The following RBM26 variants were observed in gnomAD, a reference collection of about 807,000 sequenced individuals.
RBM26 encodes the protein RNA-binding protein 26.
RBM26 carries 30 observed loss-of-function variants against 123.6 expected under a neutral mutation model. The ratio of observed to expected loss-of-function variants is 0.24; its 90% confidence interval spans 0.18 to 0.33. RBM26 has a LOEUF of 0.33. Among genes scored for constraint, RBM26 ranks in the 10% least tolerant of loss-of-function variants. The pLI, the probability that RBM26 is intolerant of heterozygous loss-of-function variation, is 1.00. For synonymous variants in RBM26, 400 were observed against 404.4 expected (o/e 0.99, Z 0.13); for missense variants, 947 against 1,203.6 (o/e 0.79, Z 3.15).
At chr13:79,354,322 G>T in intron 13 of RBM26, 117 bp downstream of exon 13, 4 of 840,782 alleles carry the variant, frequency 4.8e-6, no homozygotes, top group Non-Finnish European at 3.3e-6. Flanking sequence ...GTTCAAATAT[G>T]TAAAGACTAT....
At chr13:79,373,437 ATTATATAT>A (rs2076267061) in intron 3 of RBM26, among the ~76,000 whole-genome samples, 1 of 17,050 alleles carries the variant, frequency 5.9e-5, no homozygotes, top group Non-Finnish European at 1.0e-4. Context: ...ATAAATATAT[ATTATATAT>A]TATATATAAA....
downstream of RBM26, chr13:79,314,404 AT>A (rs1280997128): frequency 2.6e-5 from 4 of 151,806 alleles, no homozygotes; most frequent in Admixed American, 1.3e-4. Flanking sequence ...TTTTAAAAAA[AT>A]ATTTGGGTAA....
At chr13:79,325,617 A>G (rs1197487568) in intron 20 of RBM26, among the ~76,000 whole-genome samples, 1 of 152,210 alleles carries the variant, frequency 6.6e-6, no homozygotes, top group Non-Finnish European at 1.5e-5. Flanking sequence ...GTGGCGTTAC[A>G]AGAGTCAAAA....
intron 1 of RBM26, among the ~76,000 whole-genome samples, chr13:79,397,695 A>AG (rs2078705786): frequency 6.6e-6 from 1 of 150,806 alleles, no homozygotes; most frequent in South Asian, 2.1e-4. Context: ...AAAAAAAAAA[A>AG]AAAAAAAAGA....
At chr13:79,358,226 T>A (rs1430895107) in intron 11 of RBM26, 48 bp downstream of exon 11, 2 of 1,445,218 alleles carry the variant, frequency 1.4e-6, no homozygotes, top group Non-Finnish European at 1.9e-6. Flanking sequence ...TTACATTAAG[T>A]TCCCTAAACA....
intron 1 of RBM26, among the ~76,000 whole-genome samples, chr13:79,388,240 C>T (rs985445783): frequency 3.3e-5 from 5 of 152,204 alleles, no homozygotes; most frequent in South Asian, 2.1e-4. Flanking sequence ...GGATTACAGG[C>T]ATGTACCACC....
At chr13:79,347,737 T>C (rs1280358734) in intron 14 of RBM26, among the ~76,000 whole-genome samples, 2 of 152,148 alleles carry the variant, frequency 1.3e-5, no homozygotes, top group African/African-American at 2.4e-5. Flanking sequence ...AACAGTTTTA[T>C]TTCCAATCTT....
At chr13:79,357,354 A>G (rs1244012055) in intron 11 of RBM26, among the ~76,000 whole-genome samples, 3 of 152,060 alleles carry the variant, frequency 2.0e-5, no homozygotes, top group African/African-American at 7.2e-5. Context: ...ATTATAAAAT[A>G]TAATTATTTT....
chr13:79,313,071 T>C (rs1035149793), exon 5 of RBM26: 25 of 151,842 alleles, frequency 1.6e-4, no homozygotes, highest in African/African-American at 5.6e-4. Context: ...AATCTAAGTA[T>C]TGAAAAATAT....
Position 79,366,163 on chromosome 13 carries a change from A to T in RBM26, c.1168T>A (p.Ser390Thr), listed in dbSNP as rs2075251201. The change falls in exon 8 of 22, where the codon TCT becomes ACT. Residue 390 changes from serine (S) to threonine (T), a missense_variant. By Grantham distance (58) the Ser-to-Thr change is moderately conservative. This residue lies in a region of RBM26 where 493 missense variants were observed against 563.1 expected (regional missense o/e 0.88). Coordinates refer to ENST00000438737, the MANE Select transcript of RBM26 (RefSeq NM_001366735.2). ...GAGTTTGGAGGAGCATCCATGCCAG[A>T]TGGCTGCAAAGGAGGAAGTGGAGGT... ...PPPPLPPLQPSGMDAPPNSAT... is the reference protein window; with the variant it reads ...PPPPLPPLQPTGMDAPPNSAT... 1 of 1,613,704 alleles carries T rather than the reference A, an allele frequency of 6.2e-7. No individual in the cohort carries two copies. Among genetic ancestry groups the T allele is most frequent in the Non-Finnish European group, 8.5e-7 (1 of 1,179,780 alleles).
intron 1 of RBM26, among the ~76,000 whole-genome samples, chr13:79,391,404 A>G (rs1334192401): frequency 6.6e-6 from 1 of 152,198 alleles, no homozygotes; most frequent in African/African-American, 2.4e-5. Context: ...AAATTCAACT[A>G]CATAAAATGA....
chr13:79,366,192 G>A lies in RBM26; in HGVS notation c.1139C>T (p.Pro380Leu). ...LPPSLPPVTG[P>L]PPPLPPLQPS... Reference sequence around the variant, plus strand: ...CTGCAAAGGAGGAAGTGGAGGTGGTGGTCCTGTCAAAACCAAAGAATAAGA... The same window carrying A: ...CTGCAAAGGAGGAAGTGGAGGTGGTAGTCCTGTCAAAACCAAAGAATAAGA... The change falls in exon 8 of 22, where the codon CCA becomes CTA. Residue 380 changes from proline to leucine, a missense_variant. Coordinates refer to ENST00000438737, the MANE Select transcript of RBM26 (RefSeq NM_001366735.2). 1 of 1,609,804 alleles carries A rather than the reference G, an allele frequency of 6.2e-7. No individual in the cohort carries two copies.
intron 1 of RBM26, among the ~76,000 whole-genome samples, chr13:79,391,967 TTATA>T (rs1234284079): frequency 6.9e-6 from 1 of 145,152 alleles, no homozygotes; most frequent in African/African-American, 2.6e-5. Flanking sequence ...TACATAATTA[TTATA>T]TAATTATATA....
chr13:79,385,699 T>A (rs1269892494), intron 1 of RBM26, among the ~76,000 whole-genome samples: 1 of 152,156 alleles, frequency 6.6e-6, no homozygotes, highest in Non-Finnish European at 1.5e-5. Flanking sequence ...AATAAATCCA[T>A]TAAAACTAGC....
chr13:79,368,149 C>T (rs1043745996), intron 6 of RBM26, among the ~76,000 whole-genome samples: 5 of 152,032 alleles, frequency 3.3e-5, no homozygotes, highest in Admixed American at 6.5e-5. Flanking sequence ...CTCAGCCTCC[C>T]GAGTAGCTGG....
chr13:79,327,164 C>T (rs1253491838), intron 20 of RBM26, among the ~76,000 whole-genome samples: 2 of 151,676 alleles, frequency 1.3e-5, no homozygotes, highest in East Asian at 1.9e-4. Flanking sequence ...ACTGTGGCGG[C>T]GTGTGCCTAT....
chr13:79,361,604 T>C (rs1014472811), intron 9 of RBM26, among the ~76,000 whole-genome samples: 10 of 152,192 alleles, frequency 6.6e-5, no homozygotes, highest in African/African-American at 2.4e-4. Context: ...GTCCTCTTAC[T>C]GGACCTCTCA....
intron 1 of RBM26, among the ~76,000 whole-genome samples, chr13:79,388,574 C>T (rs2077679105): frequency 1.3e-5 from 2 of 152,192 alleles, no homozygotes; most frequent in Admixed American, 6.5e-5. Context: ...AATGTATACT[C>T]ACGATTCCTC....
chr13:79,355,209 TC>T lies in RBM26; in HGVS notation c.1854+10del. The T allele has an allele frequency of 6.2e-7, 1 of 1,612,132 alleles. No homozygotes were observed. The highest frequency in any genetic ancestry group is 8.5e-7 in the Non-Finnish European group (1 of 1,178,774). ...GAAATGCGCGTACTTTTACACAAAT[TC>T]CTCTCTTACCTTTGGAGAAGTAGTT... On this transcript the variant is annotated intron_variant, in intron 12 of 21. Coordinates refer to ENST00000438737, the MANE Select transcript of RBM26 (RefSeq NM_001366735.2).
Sources: gnomAD v4.1 joint callset for allele counts (sites outside exome capture counted in the v4.1 genomes callset) on GRCh38, gnomAD v4.1.1 for gene constraint, gnomAD v4.1.1 regional missense constraint, MANE v1.5 for transcripts, NCBI Gene and HGNC (gene_info 2026-07-23, HGNC 2026-07-21) for gene names.